The following SLC30A3 variants were observed in gnomAD, a reference collection of about 807,000 sequenced individuals.
The protein encoded by SLC30A3 is solute carrier family 30 member 3, also known as probable proton-coupled zinc antiporter SLC30A3.
A neutral mutation model predicts 35.6 loss-of-function variants in SLC30A3; 20 were observed. That is an observed-to-expected ratio of 0.56 (90% CI 0.39 to 0.82). The LOEUF (loss-of-function observed/expected upper bound fraction) is 0.82. Ranked by LOEUF, SLC30A3 falls within the 40% of genes least tolerant of loss-of-function variation. The probability of loss-of-function intolerance (pLI) is 0.00; values close to 1 mark genes in which losing one functional copy is unlikely to be tolerated. For missense variants in SLC30A3, 401 were observed against 530.6 expected (o/e 0.76, Z 2.40); for synonymous variants, 217 against 224.7 (o/e 0.97, Z 0.31).
intron 1 of SLC30A3, among the ~76,000 whole-genome samples, chr2:27,274,639 A>G (rs1334462199): frequency 6.6e-6 from 1 of 152,064 alleles, no homozygotes; most frequent in Admixed American, 6.5e-5. Context: ...CTACCTTTCC[A>G]GAAGAAAGTT....
Position 27,254,665 on chromosome 2 carries a change from G to C in SLC30A3, c.*647C>G, listed in dbSNP as rs920138301. ...CACAGCACCAACAGAGGGATGGAGA[G>C]ATAGACCCCCAAACAGACACATGGA... On this transcript the variant is annotated 3_prime_UTR_variant, in exon 8 of 8. Coordinates refer to ENST00000233535, the MANE Select transcript of SLC30A3 (RefSeq NM_003459.5). The C allele has an allele frequency of 6.2e-6, 1 of 160,302 alleles. No homozygotes were observed. Among genetic ancestry groups the C allele is most frequent in the East Asian group, 1.9e-4 (1 of 5,330 alleles). The allele number at this position is 160,302 out of a possible 1,614,324, so 9.9% of individuals were successfully genotyped here.
At position 27,271,551 on chromosome 2, in the gene SLC30A3, A is replaced by G. The variant is rs979224960; in HGVS notation, c.-159+3626T>C. On this transcript the variant is annotated intron_variant, in intron 1 of 5. Transcript: ENST00000424577. The surrounding 1 kb of genome is among the most constrained non-coding windows in gnomAD (Gnocchi z 4.3). ...CACAGGTTTTTATAGAAGAGGAAAAATAGACTCAGAGATGAAATGATTTGT... is the reference window on the plus strand; with the variant it reads ...CACAGGTTTTTATAGAAGAGGAAAAGTAGACTCAGAGATGAAATGATTTGT... Among the ~76,000 whole-genome samples the G allele has an allele frequency of 6.6e-6, 1 of 152,246 alleles. No homozygotes were observed. The highest frequency in any genetic ancestry group is 2.4e-5 in the African/African-American group (1 of 41,470).
At chr2:27,268,923 C>T (rs577152470) in intron 1 of SLC30A3, among the ~76,000 whole-genome samples, 10 of 151,814 alleles carry the variant, frequency 6.6e-5, no homozygotes, top group South Asian at 4.2e-4. Flanking sequence ...AGGCCAGCAA[C>T]GGGGAGAAAA....
At chr2:27,268,230 A>G (rs1458653790) in intron 1 of SLC30A3, among the ~76,000 whole-genome samples, 1 of 152,122 alleles carries the variant, frequency 6.6e-6, no homozygotes, top group Non-Finnish European at 1.5e-5. Flanking sequence ...GTCTTAATGA[A>G]CTCTGTCTCC....
At chr2:27,260,283 G>A (rs1397907583) in intron 1 of SLC30A3, among the ~76,000 whole-genome samples, 2 of 152,196 alleles carry the variant, frequency 1.3e-5, no homozygotes, top group Non-Finnish European at 2.9e-5. Flanking sequence ...GTCATGGGAG[G>A]AAGGGGTGCA....
chr2:27,261,483 T>C (rs1367758294), intron 1 of SLC30A3, among the ~76,000 whole-genome samples: 1 of 152,102 alleles, frequency 6.6e-6, no homozygotes, highest in East Asian at 1.9e-4. Flanking sequence ...TTGGGGGCAG[T>C]GGGCAACATT....
In SLC30A3 at chr2:27,258,131, G is replaced by A. The variant is rs765293440; in HGVS notation, c.424+30C>T. The A allele has an allele frequency of 1.4e-5, 23 of 1,603,672 alleles. No homozygotes were observed. The East Asian group carries it at 4.5e-4, about 31-fold the overall frequency. On this transcript the variant is annotated intron_variant, in intron 3 of 7. Transcript: ENST00000233535. The surrounding 1 kb of genome is among the most constrained non-coding windows in gnomAD (Gnocchi z 4.0). ...TGACGGGTGCCCTCTGGCAAGATTGGAGAGTCACTGGGCCATGCAGGGGCC... is the reference window on the plus strand; with the variant it reads ...TGACGGGTGCCCTCTGGCAAGATTGAAGAGTCACTGGGCCATGCAGGGGCC...
At chr2:27,256,253 TGA>T (rs139393899) in intron 7 of SLC30A3, 131 bp downstream of exon 7, 116 of 1,034,044 alleles carry the variant, frequency 1.1e-4, no homozygotes, top group Non-Finnish European at 1.4e-4. Flanking sequence ...TGTGTCTATG[TGA>T]GAGAGAGAGA....
At chr2:27,274,718 T>C (rs1270170151) in intron 1 of SLC30A3, among the ~76,000 whole-genome samples, 1 of 151,558 alleles carries the variant, frequency 6.6e-6, no homozygotes, top group Non-Finnish European at 1.5e-5. Flanking sequence ...TTCGACCCAA[T>C]AATTCCACTT....
intron 1 of SLC30A3, chr2:27,275,137 A>G (rs1433013100): frequency 1.6e-6 from 2 of 1,266,078 alleles, no homozygotes; most frequent in East Asian, 5.6e-5. Context: ...ACAACTGGGA[A>G]GGTAACACAC....
At chr2:27,268,494 C>T (rs1677589612) in intron 1 of SLC30A3, among the ~76,000 whole-genome samples, 1 of 152,174 alleles carries the variant, frequency 6.6e-6, no homozygotes, top group South Asian at 2.1e-4. Context: ...TGGCTCACGC[C>T]TATAATCCCA....
upstream of SLC30A3, chr2:27,275,394 T>TC: frequency 2.0e-5 from 8 of 400,458 alleles, no homozygotes; most frequent in South Asian, 1.6e-4. Flanking sequence ...CAATGTGGCC[T>TC]CCCCACCCAG....
chr2:27,257,028 G>T lies in SLC30A3; in HGVS notation c.777+126C>A. The T allele has an allele frequency of 1.7e-6, 2 of 1,160,670 alleles. No individual in the cohort carries two copies. The highest frequency in any genetic ancestry group is 1.3e-6 in the Non-Finnish European group (1 of 779,358). 71.9% of individuals were successfully genotyped at this position (1,160,670 alleles called of 1,614,324 possible). A position where few individuals can be genotyped will look rare whatever the true frequency, so the allele number is the denominator to read the frequency against. On this transcript the variant is annotated intron_variant, in intron 5 of 7. Transcript: ENST00000233535. This position sits in a 1 kb window ranked among gnomAD's most constrained non-coding sequence, Gnocchi z 4.7. ...GGACAGGGAACATGACTCATGTCTGGGAGAGTCCTGGGAGGTGGGAGGGAG... is the reference window on the plus strand; with the variant it reads ...GGACAGGGAACATGACTCATGTCTGTGAGAGTCCTGGGAGGTGGGAGGGAG...
chr2:27,260,020 C>T (rs1468467875), intron 1 of SLC30A3, among the ~76,000 whole-genome samples: 4 of 152,088 alleles, frequency 2.6e-5, no homozygotes, highest in Non-Finnish European at 5.9e-5. Context: ...CAGGTGAATG[C>T]TATGCCAGGC....
chr2:27,254,116 G>A lies in SLC30A3; in HGVS notation c.*1196C>T, dbSNP rs922487255. 11 of 152,344 alleles carry A rather than the reference G, an allele frequency of 7.2e-5. No individual in the cohort carries two copies. The highest frequency in any genetic ancestry group is 8.8e-5 in the Non-Finnish European group (6 of 68,052). The allele number at this position is 152,344 out of a possible 1,614,324, so 9.4% of individuals were successfully genotyped here. A position where few individuals can be genotyped will look rare whatever the true frequency, so the allele number is the denominator to read the frequency against. ...TTCACAGCCTAAACCTGGACTCAGG[G>A]TTGGCTGCTATCAGGGTTGAGGGGT... On this transcript the variant is annotated 3_prime_UTR_variant, in exon 8 of 8. Transcript: ENST00000233535.
chr2:27,263,241 A>C, upstream of SLC30A3: 3 of 525,296 alleles, frequency 5.7e-6, no homozygotes, highest in Non-Finnish European at 6.3e-6. Flanking sequence ...AGAACTCCTC[A>C]TCTCCACAGC....
chr2:27,258,032 C>A lies in SLC30A3; in HGVS notation c.451G>T (p.Val151Phe). ...ATGCCAGTGACCATCCAGAGGGAGA[C>A]CACAGAGGCCAAAGCCCCCAGAGTC... is the stretch of plus-strand genomic sequence containing the variant. ...SETLGALASV[V>F]SLWMVTGILL... Residue 151 changes from valine (V) to phenylalanine (F), a missense_variant, in exon 4 of 8, where the codon GTC becomes TTC. Coordinates refer to ENST00000233535, the MANE Select transcript of SLC30A3 (RefSeq NM_003459.5). This position sits in a 1 kb window ranked among gnomAD's most constrained non-coding sequence, Gnocchi z 4.0. The A allele has an allele frequency of 6.2e-7, 1 of 1,614,140 alleles. No individual in the cohort carries two copies. The highest frequency in any genetic ancestry group is 2.2e-5 in the East Asian group (1 of 44,878).
chr2:27,273,370 G>A lies in SLC30A3; in HGVS notation c.-159+1807C>T, dbSNP rs138636621. ...AGTGGTTCCAGAAAAGATTGGAGAG[G>A]GAGGGGCAGGACCACGCTGGGTCTT... is the stretch of plus-strand genomic sequence containing the variant. On this transcript the variant is annotated intron_variant, in intron 1 of 5. Coordinates refer to the SLC30A3 transcript ENST00000424577. Among the ~76,000 whole-genome samples the A allele has an allele frequency of 6.6e-4, 100 of 152,310 alleles. 3 individuals carry two copies. The East Asian group carries it at 0.018, about 28-fold the overall frequency.
At chr2:27,266,598 TA>T (rs1377446246), upstream of SLC30A3, among the ~76,000 whole-genome samples, 10 of 152,144 alleles carry the variant, frequency 6.6e-5, no homozygotes, top group African/African-American at 9.7e-5. Context: ...ATTTTTCTAT[TA>T]AAAAGGATTA....
Sources: gnomAD v4.1 joint callset for allele counts (sites outside exome capture counted in the v4.1 genomes callset) on GRCh38, gnomAD v4.1.1 for gene constraint, Gnocchi (gnomAD v3.1) non-coding constraint, MANE v1.5 for transcripts, NCBI Gene and HGNC (gene_info 2026-07-23, HGNC 2026-07-21) for gene names.